NXPE2: variants seen among roughly 807,000 people sequenced by gnomAD.
The protein encoded by NXPE2 is NXPE family member 2.
In NXPE2, 34 loss-of-function variants were observed where a neutral mutation model predicts 34.4. The observed-to-expected ratio is 0.99, with a 90% CI of 0.75 to 1.31. The LOEUF (loss-of-function observed/expected upper bound fraction) is 1.31. NXPE2 is among the 40% of genes most tolerant of loss of function. The pLI is 0.00. For synonymous variants in NXPE2, 235 were observed against 231.3 expected, an observed-to-expected ratio of 1.02 and a Z score of -0.15; for missense variants, 649 against 672.5, an observed-to-expected ratio of 0.97 and a Z score of 0.39.
the NXPE2 span, among the ~76,000 whole-genome samples, chr11:114,655,488 A>T: frequency 6.6e-6 from 1 of 152,042 alleles, no homozygotes; most frequent in South Asian, 2.1e-4. Context: ...ATCCATCTTG[A>T]GTGAATTTTT....
the NXPE2 span, among the ~76,000 whole-genome samples, chr11:114,492,569 T>C: frequency 3.3e-5 from 5 of 151,738 alleles, no homozygotes; most frequent in Non-Finnish European, 1.5e-5. Flanking sequence ...CACGGAGTCT[T>C]GCTCCATCGC....
the NXPE2 span, among the ~76,000 whole-genome samples, chr11:114,671,891 AG>A: frequency 6.6e-6 from 1 of 152,198 alleles, no homozygotes; most frequent in Non-Finnish European, 1.5e-5. Context: ...ACTGCTATAA[AG>A]ACATACCTGA....
At chr11:114,538,700 C>T in the NXPE2 span, among the ~76,000 whole-genome samples, 2 of 152,124 alleles carry the variant, frequency 1.3e-5, no homozygotes, top group Non-Finnish European at 2.9e-5. Flanking sequence ...TCATCACTGG[C>T]CATCAGAGAA....
At chr11:114,683,247 T>G (rs912681235) in intron 2 of NXPE2, among the ~76,000 whole-genome samples, 12 of 152,130 alleles carry the variant, frequency 7.9e-5, no homozygotes, top group South Asian at 2.1e-4. Flanking sequence ...TCCCTTTTCC[T>G]TTAACAGCCA....
chr11:114,577,926 C>T, the NXPE2 span, among the ~76,000 whole-genome samples: 1 of 152,064 alleles, frequency 6.6e-6, no homozygotes, highest in African/African-American at 2.4e-5. Flanking sequence ...TTTGTGGAAC[C>T]CTTTACGATA....
chr11:114,759,160 T>A, the NXPE2 span, among the ~76,000 whole-genome samples: 1 of 152,196 alleles, frequency 6.6e-6, no homozygotes, highest in African/African-American at 2.4e-5. Context: ...CAGCTAGGAT[T>A]CCAGCTGATT....
At chr11:114,605,101 A>C in the NXPE2 span, among the ~76,000 whole-genome samples, 10 of 147,036 alleles carry the variant, frequency 6.8e-5, no homozygotes, top group African/African-American at 2.3e-4. Context: ...CGTGGGTAAC[A>C]GCTGTTACCC....
At chr11:114,799,608 T>TG in the NXPE2 span, among the ~76,000 whole-genome samples, 1 of 152,156 alleles carries the variant, frequency 6.6e-6, no homozygotes, top group African/African-American at 2.4e-5. Context: ...GAAGGAGACT[T>TG]GCCGATGTGT....
the NXPE2 span, among the ~76,000 whole-genome samples, chr11:114,579,655 T>G: frequency 6.6e-6 from 1 of 152,196 alleles, no homozygotes; most frequent in Non-Finnish European, 1.5e-5. Flanking sequence ...CTCATTTTAC[T>G]AGGTAGAAAC....
chr11:114,544,730 T>C, the NXPE2 span, among the ~76,000 whole-genome samples: 1 of 152,158 alleles, frequency 6.6e-6, no homozygotes, highest in Non-Finnish European at 1.5e-5. Flanking sequence ...TTAGATTTTA[T>C]TAAAAATTAA....
chr11:114,739,095 T>C, the NXPE2 span, among the ~76,000 whole-genome samples: 7 of 152,240 alleles, frequency 4.6e-5, no homozygotes, highest in East Asian at 1.4e-3. Flanking sequence ...TTTAAAGTGT[T>C]TCATAAAGGT....
intron 2 of NXPE2, among the ~76,000 whole-genome samples, chr11:114,687,588 A>G (rs1292819149): frequency 6.6e-6 from 1 of 151,888 alleles, no homozygotes; most frequent in African/African-American, 2.4e-5. Context: ...GATTGCCTTG[A>G]CTATTTGGGC....
the NXPE2 span, among the ~76,000 whole-genome samples, chr11:114,746,062 T>C: frequency 6.6e-6 from 1 of 152,214 alleles, no homozygotes; most frequent in Admixed American, 6.5e-5. Context: ...GTTTCAGAAC[T>C]TCCTTTTATG....
chr11:114,801,178 TAAAGAAA>T, the NXPE2 span, among the ~76,000 whole-genome samples: 1 of 151,894 alleles, frequency 6.6e-6, no homozygotes, highest in African/African-American at 2.4e-5. Context: ...AGAGAAAATA[TAAAGAAA>T]AAAGGAAAAG....
the NXPE2 span, among the ~76,000 whole-genome samples, chr11:114,792,334 C>T: frequency 6.6e-6 from 1 of 152,174 alleles, no homozygotes; most frequent in East Asian, 1.9e-4. Flanking sequence ...ATTTGGCCTC[C>T]TGCAAACTCT....
the NXPE2 span, among the ~76,000 whole-genome samples, chr11:114,805,979 T>C: frequency 6.6e-6 from 1 of 152,128 alleles, no homozygotes; most frequent in African/African-American, 2.4e-5. Context: ...CACTGCCGGG[T>C]ACTCCTCTGA....
intron 4 of NXPE2, among the ~76,000 whole-genome samples, chr11:114,704,278 C>T (rs148731705): frequency 4.5e-4 from 68 of 152,168 alleles, no homozygotes; most frequent in African/African-American, 1.4e-3. Flanking sequence ...CTAGGGAAAC[C>T]ATTAACTTCA....
the NXPE2 span, among the ~76,000 whole-genome samples, chr11:114,566,216 A>T: frequency 1.3e-5 from 2 of 151,600 alleles, no homozygotes; most frequent in Non-Finnish European, 2.9e-5. Flanking sequence ...TATGGAAATC[A>T]TCGATAGTAT....
At chr11:114,712,905 T>G in the NXPE2 span, among the ~76,000 whole-genome samples, 1 of 152,132 alleles carries the variant, frequency 6.6e-6, no homozygotes, top group Non-Finnish European at 1.5e-5. Flanking sequence ...GAATAGATAA[T>G]GAAAATGTGG....
Sources: allele counts gnomAD v4.1 joint callset (sites outside exome capture counted in the v4.1 genomes callset), GRCh38; gene constraint gnomAD v4.1.1; transcripts MANE v1.5; gene names NCBI Gene and HGNC (gene_info 2026-07-23, HGNC 2026-07-21).